CRTC1: variants seen among roughly 807,000 people sequenced by gnomAD.
The protein encoded by CRTC1 is CREB regulated transcription coactivator 1, also known as CREB-regulated transcription coactivator 1.
A neutral mutation model predicts 66.1 loss-of-function variants in CRTC1; 18 were observed. The ratio of observed to expected loss-of-function variants is 0.27; its 90% CI spans 0.19 to 0.40. The LOEUF is 0.40. Ranked by LOEUF, CRTC1 falls within the 10% of genes least tolerant of loss-of-function variation. The pLI is 1.00. For synonymous variants in CRTC1, 416 were observed against 398.8 expected (o/e 1.04, Z -0.51); for missense variants, 669 against 887.9 (o/e 0.75, Z 3.13).
At chr19:18,753,986 A>G (rs2054428987) in intron 6 of CRTC1, among the ~76,000 whole-genome samples, 1 of 152,016 alleles carries the variant, frequency 6.6e-6, no homozygotes, top group South Asian at 2.1e-4. Context: ...CTGTAATCCC[A>G]GCTACTTGGG....
chr19:18,693,637 A>G (rs2052907594), intron 1 of CRTC1, among the ~76,000 whole-genome samples: 1 of 151,250 alleles, frequency 6.6e-6, no homozygotes, highest in Non-Finnish European at 1.5e-5. Flanking sequence ...GTCCACCACC[A>G]TGCCCGGCTA....
Position 18,777,286 on chromosome 19 carries a change from C to A in CRTC1, c.1809C>A (p.Asp603Glu), listed in dbSNP as rs756806717. The A allele has an allele frequency of 1.2e-6, 2 of 1,612,354 alleles. No homozygotes were observed. The highest frequency in any genetic ancestry group is 1.1e-5 in the South Asian group (1 of 91,082). ...TTCCCCTGGACGAACTCAAGATCGA[C>A]CCCCTGACCCTCGACGGACTGCACA... Reference protein sequence around the residue: ...SQFPLDELKIDPLTLDGLHML... With the variant: ...SQFPLDELKIEPLTLDGLHML... The change falls in exon 14 of 14, where the codon GAC becomes GAA. Residue 603 changes from aspartate to glutamate, a missense_variant. Physicochemically the swap from Asp to Glu is conservative, Grantham distance 45. Around this residue, in one of 8 missense-constraint regions of CRTC1, gnomAD observed 91 missense variants for 99.1 expected, o/e 0.92. Transcript: ENST00000321949. This position sits in a 1 kb window ranked among gnomAD's most constrained non-coding sequence, Gnocchi z 5.5.
At chr19:18,757,887 G>A (rs1338232416) in intron 6 of CRTC1, among the ~76,000 whole-genome samples, 25 of 150,354 alleles carry the variant, frequency 1.7e-4, no homozygotes, top group Non-Finnish European at 2.8e-4. Context: ...GCGTGGTGGC[G>A]GGTGCCTGTA....
In CRTC1 at chr19:18,775,717, C is replaced by G. The variant is rs371799394; in HGVS notation, c.1589C>G (p.Ser530Trp). Residue 530 changes from serine to tryptophan, a missense_variant, in exon 13 of 14, where the codon TCG becomes TGG. By Grantham distance (177) the Ser-to-Trp change is radical. Transcript: ENST00000321949. ...AGCCCGGGCTCCACACTCAACTACT[C>G]GCAGGCGGCCATGATGGGCCTCACG... is the stretch of plus-strand genomic sequence containing the variant. ...LYSPGSTLNY[S>W]QAAMMGLTGS... is the part of the protein sequence containing the mutation. 6.2e-7 allele frequency: 1 copy of G among 1,612,616 alleles called. No homozygotes were observed. Among genetic ancestry groups the G allele is most frequent in the African/African-American group, 1.3e-5 (1 of 74,912 alleles).
Position 18,771,418 on chromosome 19 carries a change from G to C in CRTC1, c.1321-24G>C, listed in dbSNP as rs767844401. 2 of 1,598,730 alleles carry C rather than the reference G, an allele frequency of 1.3e-6. No homozygotes were observed. Among genetic ancestry groups the C allele is most frequent in the Non-Finnish European group, 1.7e-6 (2 of 1,172,114 alleles). On this transcript the variant is annotated intron_variant, in intron 10 of 13. Coordinates refer to ENST00000321949, the MANE Select transcript of CRTC1 (RefSeq NM_015321.3). This position sits in a 1 kb window ranked among gnomAD's most constrained non-coding sequence, Gnocchi z 4.6. The stretch of plus-strand genomic sequence containing the variant: ...CGGGCTTGGGCAGCTGGGCTGCGGC[G>C]TGCTGATCTGTCTGTCATCGCAGGC...
chr19:18,697,146 A>G (rs1258240050), intron 1 of CRTC1, among the ~76,000 whole-genome samples: 1 of 152,112 alleles, frequency 6.6e-6, no homozygotes, highest in Non-Finnish European at 1.5e-5. Context: ...CTCGAGGGCC[A>G]GGGATGCCCG....
intron 6 of CRTC1, among the ~76,000 whole-genome samples, chr19:18,755,505 C>T (rs1355170209): frequency 1.3e-5 from 2 of 151,458 alleles, no homozygotes; most frequent in African/African-American, 4.9e-5. Context: ...ACACGGTTCA[C>T]TGCAGCCTCA....
intron 1 of CRTC1, among the ~76,000 whole-genome samples, chr19:18,702,063 A>AGG (rs2053156602): frequency 6.6e-6 from 1 of 150,400 alleles, no homozygotes; most frequent in African/African-American, 2.5e-5. Flanking sequence ...AGCTGGGATT[A>AGG]TAGGCGTGTA....
At chr19:18,719,240 T>C (rs1302771325) in intron 1 of CRTC1, among the ~76,000 whole-genome samples, 1 of 152,192 alleles carries the variant, frequency 6.6e-6, no homozygotes, top group African/African-American at 2.4e-5. Flanking sequence ...GCATCGTGTG[T>C]GTCTGCTGGG....
rs550569864 is a variant in CRTC1 at position 18,780,511 on chromosome 19, C to T, written c.*3129C>T. On this transcript the variant is annotated 3_prime_UTR_variant, in exon 14 of 14. Transcript: ENST00000321949. ...GAGTGTTGGCATCAGTGTGTTTGGC[C>T]TGATTTCTTCAGGGGGCCAAGCTCC... The T allele has an allele frequency of 4.3e-6, 1 of 230,640 alleles. No individual in the cohort carries two copies. The highest frequency in any genetic ancestry group is 6.2e-5 in the East Asian group (1 of 16,250). The allele number at this position is 230,640 out of a possible 1,614,324, so 14.3% of individuals were successfully genotyped here.
At chr19:18,763,552 G>GT (rs1568534108) in intron 8 of CRTC1, among the ~76,000 whole-genome samples, 1 of 152,208 alleles carries the variant, frequency 6.6e-6, no homozygotes, top group Admixed American at 6.6e-5. Context: ...CGGACAACGC[G>GT]TTTTTTCAGA....
intron 1 of CRTC1, among the ~76,000 whole-genome samples, chr19:18,700,878 G>A (rs532383201): frequency 1.3e-5 from 2 of 152,358 alleles, no homozygotes; most frequent in African/African-American, 4.8e-5. Flanking sequence ...TCAAGTGACT[G>A]AAAGCAGAGG....
At chr19:18,744,860 T>C (rs2054195701) in intron 2 of CRTC1, among the ~76,000 whole-genome samples, 1 of 152,118 alleles carries the variant, frequency 6.6e-6, no homozygotes, top group Non-Finnish European at 1.5e-5. Flanking sequence ...CCCTGAACTC[T>C]GGCCGAGGCT....
intron 1 of CRTC1, among the ~76,000 whole-genome samples, chr19:18,705,967 C>CTTTTTTTT (rs71336689): frequency 8.2e-6 from 1 of 122,324 alleles, no homozygotes; most frequent in African/African-American, 3.1e-5. Flanking sequence ...CTCTCTCTCT[C>CTTTTTTTT]TTTTTTTTTT....
chr19:18,691,783 G>T (rs922674931), intron 1 of CRTC1, among the ~76,000 whole-genome samples: 2 of 151,728 alleles, frequency 1.3e-5, no homozygotes, highest in Non-Finnish European at 2.9e-5. Flanking sequence ...GCGTGATCTC[G>T]GCTCACTGCA....
chr19:18,752,372 G>A (rs929223908), intron 5 of CRTC1, among the ~76,000 whole-genome samples: 1 of 152,090 alleles, frequency 6.6e-6, no homozygotes, highest in Non-Finnish European at 1.5e-5. Context: ...AGGCTGGAGC[G>A]CCATGGCATG....
intron 6 of CRTC1, among the ~76,000 whole-genome samples, chr19:18,758,554 C>G (rs1242641509): frequency 2.0e-5 from 3 of 152,086 alleles, no homozygotes; most frequent in Non-Finnish European, 4.4e-5. Context: ...GAGGGCTACC[C>G]AAGCCCTAGT....
At chr19:18,687,517 G>A (rs1003428474) in intron 1 of CRTC1, among the ~76,000 whole-genome samples, 5 of 152,262 alleles carry the variant, frequency 3.3e-5, no homozygotes, top group East Asian at 1.9e-4. Context: ...CATGTCCGCC[G>A]TGCCTGGAGC....
intron 6 of CRTC1, among the ~76,000 whole-genome samples, chr19:18,756,425 T>C (rs1295356363): frequency 6.7e-6 from 1 of 149,768 alleles, no homozygotes; most frequent in East Asian, 2.0e-4. Flanking sequence ...GGTGGGAGGA[T>C]TGCTTGAGCC....
Sources: gnomAD v4.1 joint callset for allele counts (sites outside exome capture counted in the v4.1 genomes callset) on GRCh38, gnomAD v4.1.1 for gene constraint, gnomAD v4.1.1 regional missense constraint, Gnocchi (gnomAD v3.1) non-coding constraint, MANE v1.5 for transcripts, NCBI Gene and HGNC (gene_info 2026-07-23, HGNC 2026-07-21) for gene names.